Variants in TNXB observed in about 807,000 individuals in gnomAD.
The protein encoded by TNXB is tenascin XB, also known as tenascin-X.
In TNXB, 183 loss-of-function variants were observed where a neutral mutation model predicts 340.5. The ratio of observed to expected loss-of-function variants is 0.54; its 90% CI spans 0.48 to 0.61. TNXB has a LOEUF of 0.61. Among genes scored for constraint, TNXB ranks in the 20% least tolerant of loss-of-function variants. The pLI, the probability that TNXB is intolerant of heterozygous loss-of-function variation, is 0.00. For synonymous variants in TNXB, 2,121 were observed against 2,314.5 expected, an observed-to-expected ratio of 0.92 and a Z score of 2.40; for missense variants, 4,613 against 5,446.4, an observed-to-expected ratio of 0.85 and a Z score of 4.82.
rs1213285476 is a variant in TNXB, at chr6:32,096,367, C to G, written c.1486G>C (p.Ala496Pro). 1.9e-6 allele frequency: 3 copies of G among 1,548,078 alleles called. No individual in the cohort carries two copies. Among genetic ancestry groups the G allele is most frequent in the East Asian group, 4.8e-5 (2 of 41,414 alleles). Reference sequence around the variant, plus strand: ...CGCCCGCGACAGTCGCCAGGACAGGCGCGCGTGCCGCAGTCCCGGCCTGTG... The same window carrying G: ...CGCCCGCGACAGTCGCCAGGACAGGGGCGCGTGCCGCAGTCCCGGCCTGTG... ...GYTGRDCGTRACPGDCRGRGR... is the reference protein window; with the variant it reads ...GYTGRDCGTRPCPGDCRGRGR... Residue 496 changes from alanine to proline, a missense_variant, in exon 3 of 44, where the codon GCC (alanine) becomes CCC (proline). Around this residue, in one of 7 missense-constraint regions of TNXB, gnomAD observed 4,327 missense variants for 4,859.4 expected, o/e 0.89. Coordinates refer to ENST00000644971, the MANE Select transcript of TNXB (RefSeq NM_001365276.2).
chr6:32,041,910 C>T lies in TNXB; in HGVS notation c.12494G>A (p.Gly4165Asp), dbSNP rs1447820436. 1.8e-5 allele frequency: 12 copies of T among 672,660 alleles called. No individual in the cohort carries two copies. Among genetic ancestry groups the T allele is most frequent in the Non-Finnish European group, 2.8e-5 (11 of 393,804 alleles). 41.7% of individuals were successfully genotyped at this position (672,660 alleles called of 1,614,324 possible). The change falls in exon 43 of 44, where the codon GGC becomes GAC. Residue 4165 changes from glycine to aspartate, a missense_variant. By Grantham distance (94) the Gly-to-Asp change is moderately conservative. Coordinates refer to ENST00000644971, the MANE Select transcript of TNXB (RefSeq NM_001365276.2). ...TAGDSMSYHSGSVFSARDRDP... is the reference protein window; with the variant it reads ...TAGDSMSYHSDSVFSARDRDP... ...CCGATCACGGGCAGAGAAGACACTG[C>T]CGCTGTGGTAGCTCATGGAGTCCCC...
At chr6:32,107,695 A>G (rs1349601889) in intron 1 of TNXB, among the ~76,000 whole-genome samples, 1 of 151,906 alleles carries the variant, frequency 6.6e-6, no homozygotes, top group Non-Finnish European at 1.5e-5. Context: ...CAACTTTGAC[A>G]CTTTGCTCAT....
chr6:32,086,086 C>T lies in TNXB; in HGVS notation c.2812G>A (p.Asp938Asn), dbSNP rs1438804587. Residue 938 changes from aspartate to asparagine, a missense_variant, in exon 7 of 44, where the codon GAT becomes AAT. By Grantham distance (23) the Asp-to-Asn change is conservative. Transcript: ENST00000644971. ...GAGGGGCCTGAGGGAGGAGGCTCAT[C>T]GGTAGTCCCCAAGAGGCCCAAGGGT... Reference protein sequence around the residue: ...SSPLGLLGTTDEPPPSGPSTT... With the variant: ...SSPLGLLGTTNEPPPSGPSTT... 9 of 1,563,666 alleles carry T rather than the reference C, an allele frequency of 5.8e-6. No homozygotes were observed. Among genetic ancestry groups the T allele is most frequent in the South Asian group, 4.7e-5 (4 of 85,514 alleles).
Position 32,089,055 on chromosome 6 carries a change from AG to A in TNXB, c.2516-8del. ...TCCTGGGGCCCATCGATCACTAGCC[AG>A]GTTAAAGAGGAGGACTCAGGTGGGT... On this transcript the variant is annotated splice_polypyrimidine_tract_variant and splice_region_variant and intron_variant, in intron 5 of 43. Coordinates refer to ENST00000644971, the MANE Select transcript of TNXB (RefSeq NM_001365276.2). The surrounding 1 kb of genome is among the most constrained non-coding windows in gnomAD (Gnocchi z 6.2). 2 of 1,605,548 alleles carry A rather than the reference AG, an allele frequency of 1.2e-6. No homozygotes were observed. Among genetic ancestry groups the A allele is most frequent in the Non-Finnish European group, 1.7e-6 (2 of 1,175,618 alleles).
At position 32,067,717 on chromosome 6, in the gene TNXB, A is replaced by T; in HGVS notation, c.6488T>A (p.Leu2163Gln). 1 of 1,613,868 alleles carries T rather than the reference A, an allele frequency of 6.2e-7. No individual in the cohort carries two copies. Among genetic ancestry groups the T allele is most frequent in the Non-Finnish European group, 8.5e-7 (1 of 1,179,854 alleles). ...LEPGRKYKMH[L>Q]YGLHEGRRVG... The stretch of plus-strand genomic sequence containing the variant: ...GCGCCGCCCCTCGTGGAGGCCGTAC[A>T]GGTGCATCTTGTACTTGCGCCCAGG... Residue 2163 changes from leucine (L) to glutamine (Q), a missense_variant, in exon 18 of 44, where the codon CTG becomes CAG. Around this residue, in one of 7 missense-constraint regions of TNXB, gnomAD observed 4,327 missense variants for 4,859.4 expected, o/e 0.89. Coordinates refer to ENST00000644971, the MANE Select transcript of TNXB (RefSeq NM_001365276.2). The surrounding 1 kb of genome is among the most constrained non-coding windows in gnomAD (Gnocchi z 4.2).
chr6:32,064,529 C>T lies in TNXB; in HGVS notation c.6841+292G>A, dbSNP rs35066946. Among the ~76,000 whole-genome samples, 20,772 of 152,084 alleles carry T rather than the reference C, an allele frequency of 0.14. 1,770 individuals are homozygous for T. Among genetic ancestry groups the T allele is most frequent in the South Asian group, 0.3 (1,423 of 4,810 alleles). On this transcript the variant is annotated intron_variant, in intron 19 of 43. Transcript: ENST00000644971. The surrounding 1 kb of genome is among the most constrained non-coding windows in gnomAD (Gnocchi z 5.3). Reference sequence around the variant, plus strand: ...GTGCCCAGACAGGTTGTGTGAGTCTCTTGAGGACACACAGCTCAAATGGGC... The same window carrying T: ...GTGCCCAGACAGGTTGTGTGAGTCTTTTGAGGACACACAGCTCAAATGGGC...
intron 26 of TNXB, among the ~76,000 whole-genome samples, chr6:32,050,812 T>C (rs914225476): frequency 6.6e-5 from 10 of 151,988 alleles, no homozygotes; most frequent in Non-Finnish European, 1.3e-4. Context: ...CAGTCCCCGA[T>C]CCTAGTTTGA....
At chr6:32,094,598 A>C (rs1257241248) in intron 4 of TNXB, among the ~76,000 whole-genome samples, 1 of 152,206 alleles carries the variant, frequency 6.6e-6, no homozygotes, top group Non-Finnish European at 1.5e-5. Flanking sequence ...CAGAGAATAA[A>C]GACTTAGGGA....
rs987823167 is a variant in TNXB at position 32,108,232 on chromosome 6, C to T, written c.-9+949G>A. ...GGGCAGGCAGCAGCTGTGGTGTTTC[C>T]GAGTTGCTTCCCAGTAGTTCCTCTC... On this transcript the variant is annotated intron_variant, in intron 1 of 43. Transcript: ENST00000644971. This position sits in a 1 kb window ranked among gnomAD's most constrained non-coding sequence, Gnocchi z 4.8. 2.0e-5 allele frequency among the ~76,000 whole-genome samples: 3 copies of T among 152,102 alleles called. No individual in the cohort carries two copies. The highest frequency in any genetic ancestry group is 4.8e-5 in the African/African-American group (2 of 41,412).
rs373655652 is a variant in TNXB at position 32,048,511 on chromosome 6, C to T, written c.9897G>A (p.Ala3299=). 292 of 1,602,022 alleles carry T rather than the reference C, an allele frequency of 1.8e-4. No homozygotes were observed. The highest frequency in any genetic ancestry group is 9.4e-5 in the African/African-American group (7 of 74,790). Residue 3299 remains alanine (A), a synonymous_variant, in exon 29 of 44, where the codon GCG becomes GCA. Transcript: ENST00000644971. The part of the protein sequence containing the change: ...FDSFLVQYRD[A]QGQPQAVPVS... ...CAGGCACTGCCTGGGGCTGCCCCTG[C>T]GCGTCCCTGTACTGTACCAGGAAGG...
At position 32,062,223 on chromosome 6, in the gene TNXB, T is replaced by C. The variant is rs754432391; in HGVS notation, c.7102A>G (p.Lys2368Glu). Residue 2368 changes from lysine to glutamate, a missense_variant, in exon 20 of 44, where the codon AAG becomes GAG. By Grantham distance (56) the Lys-to-Glu change is moderately conservative (BLOSUM62 1). This residue lies in a region of TNXB where 4,327 missense variants were observed against 4,859.4 expected (regional missense o/e 0.89). Transcript: ENST00000644971. The surrounding 1 kb of genome is among the most constrained non-coding windows in gnomAD (Gnocchi z 4.3). ...ISGLEPDNKY[K>E]MNLYGFHGGQ... ...CCGTGGAAGCCGTACAGGTTCATCT[T>C]GTACTTGTTGTCTGGCTCCAGGCCG... 1.2e-6 allele frequency: 2 copies of C among 1,613,114 alleles called. No homozygotes were observed. The highest frequency in any genetic ancestry group is 1.7e-5 in the Admixed American group (1 of 60,000).
chr6:32,084,805 G>T lies in TNXB; in HGVS notation c.3149-96C>A. 1 of 1,170,154 alleles carries T rather than the reference G, an allele frequency of 8.5e-7. No homozygotes were observed. The allele number at this position is 1,170,154 out of a possible 1,614,324, so 72.5% of individuals were successfully genotyped here. ...CCCCTGCCCACCTCACTCCATCCTG[G>T]ATAGATCCCTCCCCGGAAGACTCTA... On this transcript the variant is annotated intron_variant, in intron 7 of 43. Transcript: ENST00000644971. The surrounding 1 kb of genome is among the most constrained non-coding windows in gnomAD (Gnocchi z 5.5).
At chr6:32,086,303 C>T (rs1779771866) in intron 6 of TNXB, among the ~76,000 whole-genome samples, 185 bp from the exon 7 acceptor site, 1 of 152,210 alleles carries the variant, frequency 6.6e-6, no homozygotes, top group South Asian at 2.1e-4. Context: ...CCATCTACCA[C>T]ATTCCTGAGC....
Position 32,046,275 on chromosome 6 carries a change from G to T in TNXB, c.10506C>A (p.Val3502=). 1 of 1,606,406 alleles carries T rather than the reference G, an allele frequency of 6.2e-7. No homozygotes were observed. The highest frequency in any genetic ancestry group is 1.3e-5 in the African/African-American group (1 of 75,050). The change falls in exon 31 of 44, where the codon GTC becomes GTA. Residue 3502 remains valine (V), a synonymous_variant. Coordinates refer to ENST00000644971, the MANE Select transcript of TNXB (RefSeq NM_001365276.2). This position sits in a 1 kb window ranked among gnomAD's most constrained non-coding sequence, Gnocchi z 6.9. ...TGCCAGGCTCCAGGTCCTCTACGGT[G>T]ACTGTGCGCTGGTCTGCGGCCACAG... The part of the protein sequence containing the change: ...AVPVAADQRT[V]TVEDLEPGKK...
At chr6:32,059,616 G>C (rs1195830549) in intron 21 of TNXB, among the ~76,000 whole-genome samples, 1 of 151,770 alleles carries the variant, frequency 6.6e-6, no homozygotes, top group Non-Finnish European at 1.5e-5. Context: ...GACCAGGACA[G>C]CTTACCCCCG....
At chr6:32,048,745 G>A (rs1207126859) in intron 28 of TNXB, 95 bp from the exon 29 acceptor site, 2 of 1,230,636 alleles carry the variant, frequency 1.6e-6, no homozygotes, top group Non-Finnish European at 2.1e-6. Flanking sequence ...TTTCTTAGCG[G>A]CCTCCTCTAA....
In TNXB at chr6:32,069,663, AGGCTGCCCTCCACGGGCACCACCTGG is replaced by A. The variant is rs777927367; in HGVS notation, c.5451_5476del (p.Val1819GlyfsTer44). 11 of 1,612,928 alleles carry A rather than the reference AGGCTGCCCTCCACGGGCACCACCTGG, an allele frequency of 6.8e-6. No individual in the cohort carries two copies. Among genetic ancestry groups the A allele is most frequent in the African/African-American group, 2.7e-5 (2 of 74,880 alleles). On this transcript the variant is annotated frameshift_variant, in exon 15 of 44. Coordinates refer to ENST00000644971, the MANE Select transcript of TNXB (RefSeq NM_001365276.2). LOFTEE classifies it high-confidence loss of function. The surrounding 1 kb of genome is among the most constrained non-coding windows in gnomAD (Gnocchi z 6.2). ...CAGGCCCGGCACGCTGACCTCCCTG[AGGCTGCCCTCCACGGGCACCACCTGG>A]GGCTGCCCGTCCCTGTCTTTGTACT...
In TNXB at chr6:32,043,785, C is replaced by T. The variant is rs748899355; in HGVS notation, c.11494G>A (p.Glu3832Lys). ...AAGCCTGTGAGAGGCTCACTCTCCT[C>T]AAAGCCTCGGACCGAGACCACGGTC... The part of the protein sequence containing the change: ...EVTVVSVRGF[E>K]ESEPLTGFLT... The change falls in exon 35 of 44, where the codon GAG (glutamate) becomes AAG (lysine). Residue 3832 changes from glutamate (E) to lysine (K), a missense_variant. Transcript: ENST00000644971. The T allele has an allele frequency of 6.2e-7, 1 of 1,613,488 alleles. No homozygotes were observed. The highest frequency in any genetic ancestry group is 1.7e-5 in the Admixed American group (1 of 60,032).
Position 32,095,864 on chromosome 6 carries a change from C to A in TNXB, c.1989G>T (p.Val663=), listed in dbSNP as rs1302867275. 2 of 1,612,506 alleles carry A rather than the reference C, an allele frequency of 1.2e-6. No homozygotes were observed. The highest frequency in any genetic ancestry group is 2.7e-5 in the African/African-American group (2 of 74,918). ...CCACGTGGCACAGGCACACTCCTTG[C>A]ACACACCGCCCACGTCCCCGGCAGT... The part of the protein sequence containing the change: ...PADCRGRGRC[V]QGVCLCHVGY... The change falls in exon 3 of 44, where the codon GTG becomes GTT. Residue 663 remains valine (V), a synonymous_variant. Coordinates refer to ENST00000644971, the MANE Select transcript of TNXB (RefSeq NM_001365276.2).
Sources: gnomAD v4.1 joint callset for allele counts (sites outside exome capture counted in the v4.1 genomes callset) on GRCh38, gnomAD v4.1.1 for gene constraint, gnomAD v4.1.1 regional missense constraint, Gnocchi (gnomAD v3.1) non-coding constraint, MANE v1.5 for transcripts, NCBI Gene and HGNC (gene_info 2026-07-23, HGNC 2026-07-21) for gene names.